Variants in AHNAK2 observed in about 807,000 individuals in gnomAD.
AHNAK2 encodes the protein AHNAK nucleoprotein 2.
Under a neutral mutation model 30.7 loss-of-function variants are expected in AHNAK2, and 18 were observed. The observed-to-expected ratio is 0.59, with a 90% CI of 0.41 to 0.87. AHNAK2 has a LOEUF of 0.87. Among genes scored for constraint, AHNAK2 ranks in the 40% least tolerant of loss-of-function variants. AHNAK2 has a pLI of 0.00. For missense variants in AHNAK2, 8,604 were observed against 7,373.0 expected (o/e 1.17, Z -6.11); for synonymous variants, 3,590 against 3,073.8 (o/e 1.17, Z -5.56).
intron 1 of AHNAK2, among the ~76,000 whole-genome samples, chr14:104,967,913 G>A (rs934099667): frequency 2.0e-5 from 3 of 152,198 alleles, no homozygotes; most frequent in South Asian, 2.1e-4. Context: ...AGGAAGCCCC[G>A]CCTCGGCCGC....
chr14:104,970,355 CTG>C, intron 1 of AHNAK2: 1 of 926,732 alleles, frequency 1.1e-6, no homozygotes, highest in Non-Finnish European at 1.3e-6. Flanking sequence ...TAGCCCAGCT[CTG>C]TTCCTCCAGC....
Position 104,946,858 on chromosome 14 carries a change from G to A in AHNAK2, c.8593C>T (p.Pro2865Ser), listed in dbSNP as rs374832748. The change falls in exon 7 of 7, where the codon CCC becomes TCC. Residue 2865 changes from proline (P) to serine (S), a missense_variant. Transcript: ENST00000333244. ...TGGACCTCCAGTTGGGCGGAGGGGG[G>A]CTGAATGCGGATGTCAGTGGTCTTA... ...DLKTTDIRIQ[P>S]PSAQLEVQAG... The A allele has an allele frequency of 7.1e-5, 114 of 1,612,668 alleles. 3 individuals are homozygous for A. The highest frequency in any genetic ancestry group is 3.4e-4 in the African/African-American group (25 of 74,438).
At chr14:104,960,516 G>A (rs1899106425) in intron 1 of AHNAK2, among the ~76,000 whole-genome samples, 1 of 152,186 alleles carries the variant, frequency 6.6e-6, no homozygotes, top group South Asian at 2.1e-4. Flanking sequence ...GAGCATCCAT[G>A]AATTTTGGTA....
intron 1 of AHNAK2, 24 bp from the exon 2 acceptor site, chr14:104,957,696 G>A: frequency 1.2e-6 from 2 of 1,603,442 alleles, no homozygotes; most frequent in Non-Finnish European, 8.5e-7. Context: ...GGCTGTCAGT[G>A]GAGACAAGCA....
Position 104,937,914 on chromosome 14 carries a change from AG to A in AHNAK2, c.*148del. Reference sequence around the variant, plus strand: ...TAGGAGGGCTGTGTGATGGTGACAAAGGTGTTCTGGTCATTTCTGCTCTGTT... The same window carrying A: ...TAGGAGGGCTGTGTGATGGTGACAAAGTGTTCTGGTCATTTCTGCTCTGTT... On this transcript the variant is annotated 3_prime_UTR_variant, in exon 7 of 7. Transcript: ENST00000333244. 3.8e-6 allele frequency: 3 copies of A among 799,440 alleles called. No homozygotes were observed. The highest frequency in any genetic ancestry group is 5.6e-6 in the Non-Finnish European group (3 of 534,984). The allele number at this position is 799,440 out of a possible 1,614,324, so 49.5% of individuals were successfully genotyped here. A position where few individuals can be genotyped will look rare whatever the true frequency, so the allele number is the denominator to read the frequency against.
rs545419006 is a variant in AHNAK2, at chr14:104,940,290, G to A, written c.15161C>T (p.Ala5054Val). 2 of 1,613,688 alleles carry A rather than the reference G, an allele frequency of 1.2e-6. No individual in the cohort carries two copies. The highest frequency in any genetic ancestry group is 1.3e-5 in the African/African-American group (1 of 75,018). The change falls in exon 7 of 7, where the codon GCA (alanine) becomes GTA (valine). Residue 5054 changes from alanine (A) to valine (V), a missense_variant. Coordinates refer to ENST00000333244, the MANE Select transcript of AHNAK2 (RefSeq NM_138420.4). The surrounding 1 kb of genome is among the most constrained non-coding windows in gnomAD (Gnocchi z 4.4). ...TTCTGTGTCTTGAAAGCTACCCCCT[G>A]CTGTGGCACTAGAAAGGGAAGGATC... The part of the protein sequence containing the change: ...DVDPSLSSAT[A>V]GGSFQDTEKA...
At position 104,947,155 on chromosome 14, in the gene AHNAK2, C is replaced by G; in HGVS notation, c.8296G>C (p.Glu2766Gln). Residue 2766 changes from glutamate (E) to glutamine (Q), a missense_variant, in exon 7 of 7, where the codon GAA becomes CAA. Transcript: ENST00000333244. ...PNVDLKGPKA[E>Q]VTAPDVKMSL... ...ATCTTCACATCGGGGGCTGTCACTT[C>G]CGCCTTGGGGCCTTTCAGGTCCACG... 7 of 1,612,212 alleles carry G rather than the reference C, an allele frequency of 4.3e-6. No homozygotes were observed. Among genetic ancestry groups the G allele is most frequent in the Non-Finnish European group, 5.9e-6 (7 of 1,179,556 alleles).
intron 1 of AHNAK2, among the ~76,000 whole-genome samples, chr14:104,965,401 CAAAA>C (rs397853385): frequency 2.3e-5 from 2 of 85,510 alleles, no homozygotes; most frequent in Non-Finnish European, 4.6e-5. Flanking sequence ...AACTCTGTCT[CAAAA>C]AAAAAAAAAA....
chr14:104,946,718 G>C lies in AHNAK2; in HGVS notation c.8733C>G (p.Leu2911=). 1 of 1,612,570 alleles carries C rather than the reference G, an allele frequency of 6.2e-7. No homozygotes were observed. The highest frequency in any genetic ancestry group is 8.5e-7 in the Non-Finnish European group (1 of 1,179,456). Residue 2911 remains leucine (L), a synonymous_variant, in exon 7 of 7, where the codon CTC becomes CTG. Coordinates refer to ENST00000333244, the MANE Select transcript of AHNAK2 (RefSeq NM_138420.4). ...MPSFKMPKVD[L]KGPQIDVKGP... is the part of the protein sequence containing the mutation. ...CCTTGACGTCTATCTGGGGGCCCTT[G>C]AGATCCACTTTGGGCATCTTGAAAC... is the stretch of plus-strand genomic sequence containing the variant.
In AHNAK2 at chr14:104,947,937, G is replaced by A. The variant is rs752860826; in HGVS notation, c.7514C>T (p.Ser2505Leu). ...VSAPGKSIEA[S>L]VDVSAPKVEA... is the part of the protein sequence containing the mutation. ...CACCTTCGGCGCAGACACATCCACC[G>A]AGGCCTCGATGGACTTGCCTGGGGC... The change falls in exon 7 of 7, where the codon TCG (serine) becomes TTG (leucine). Residue 2505 changes from serine to leucine, a missense_variant. Ser to Leu is a moderately radical substitution (Grantham distance 145). Coordinates refer to ENST00000333244, the MANE Select transcript of AHNAK2 (RefSeq NM_138420.4). The A allele has an allele frequency of 4.9e-5, 79 of 1,611,984 alleles. No individual in the cohort carries two copies. Among genetic ancestry groups the A allele is most frequent in the South Asian group, 3.1e-4 (28 of 91,004 alleles).
chr14:104,964,835 C>T (rs1899254573), intron 1 of AHNAK2, among the ~76,000 whole-genome samples: 1 of 152,190 alleles, frequency 6.6e-6, no homozygotes, highest in African/African-American at 2.4e-5. Context: ...GGTTTGTACC[C>T]TTTCTCCATA....
In AHNAK2 at chr14:104,942,930, C is replaced by T. The variant is rs1480731887; in HGVS notation, c.12521G>A (p.Gly4174Glu). The T allele has an allele frequency of 6.2e-6, 10 of 1,613,104 alleles. No homozygotes were observed. The highest frequency in any genetic ancestry group is 1.3e-5 in the African/African-American group (1 of 74,720). Residue 4174 changes from glycine (G) to glutamate (E), a missense_variant, in exon 7 of 7, where the codon GGG becomes GAG. Transcript: ENST00000333244. ...GCTGAGGTCAGTGGTCTTGAGGTCC[C>T]CCTGCATGGAGGGGAGGCTCACGTC... ...KADVSLPSMQ[G>E]DLKTTDLSIQ...
Position 104,951,673 on chromosome 14 carries a change from C to A in AHNAK2, c.3778G>T (p.Asp1260Tyr), listed in dbSNP as rs759415171. The A allele has an allele frequency of 2.1e-5, 26 of 1,246,596 alleles. 1 individual carries two copies. The East Asian group carries it at 5.4e-4, about 26-fold the overall frequency. 77.2% of individuals were successfully genotyped at this position (1,246,596 alleles called of 1,614,324 possible). A position where few individuals can be genotyped will look rare whatever the true frequency, so the allele number is the denominator to read the frequency against. Residue 1260 changes from aspartate to tyrosine, a missense_variant, in exon 7 of 7, where the codon GAC becomes TAC. Asp to Tyr is a radical substitution (Grantham distance 160). Coordinates refer to ENST00000333244, the MANE Select transcript of AHNAK2 (RefSeq NM_138420.4). The stretch of plus-strand genomic sequence containing the variant: ...ACTTCCACCTGGGGGCCCTTGAGGT[C>A]CACTTTGGGCATCTTCAAACTAGGC... ...QMPSLKMPKVDLKGPQVEVRG... is the reference protein window; with the variant it reads ...QMPSLKMPKVYLKGPQVEVRG...
intron 1 of AHNAK2, among the ~76,000 whole-genome samples, chr14:104,970,827 G>A (rs1899453340): frequency 6.6e-6 from 1 of 152,216 alleles, no homozygotes; most frequent in African/African-American, 2.4e-5. Context: ...TGTGTGGACA[G>A]ACACAGGCCT....
rs944548402 is a variant in AHNAK2, at chr14:104,939,091, G to T, written c.16360C>A (p.Pro5454Thr). The T allele has an allele frequency of 6.2e-7, 1 of 1,604,132 alleles. No individual in the cohort carries two copies. Among genetic ancestry groups the T allele is most frequent in the Non-Finnish European group, 8.5e-7 (1 of 1,175,410 alleles). The change falls in exon 7 of 7, where the codon CCT becomes ACT. Residue 5454 changes from proline (P) to threonine (T), a missense_variant. Coordinates refer to ENST00000333244, the MANE Select transcript of AHNAK2 (RefSeq NM_138420.4). ...TTTGAAATTGGGGGAGCTTCCAAAGGCAGGTTAAGGTCCACAGGCTGCTCC... is the reference window on the plus strand; with the variant it reads ...TTTGAAATTGGGGGAGCTTCCAAAGTCAGGTTAAGGTCCACAGGCTGCTCC... Reference protein sequence around the residue: ...PGEQPVDLNLPLEAPPISKVR... With the variant: ...PGEQPVDLNLTLEAPPISKVR...
Position 104,952,521 on chromosome 14 carries a change from C to G in AHNAK2, c.2930G>C (p.Gly977Ala). Residue 977 changes from glycine (G) to alanine (A), a missense_variant, in exon 7 of 7, where the codon GGT (glycine) becomes GCT (alanine). Physicochemically the swap from Gly to Ala is moderately conservative, Grantham distance 60 (BLOSUM62 0). Coordinates refer to ENST00000333244, the MANE Select transcript of AHNAK2 (RefSeq NM_138420.4). The part of the protein sequence containing the change: ...DVQAQKAKLD[G>A]AWLEGDLSLA... ...GGACAGGTCCCCCTCCAGCCACGCA[C>G]CATCCAGCTTGGCCTTCTGGGCCTG... 1.2e-6 allele frequency: 2 copies of G among 1,612,890 alleles called. No homozygotes were observed. Among genetic ancestry groups the G allele is most frequent in the Non-Finnish European group, 1.7e-6 (2 of 1,179,696 alleles).
chr14:104,978,093 ACTGCGCGCCCCTGGACACGCCC>A lies in AHNAK2; in HGVS notation c.55+68_55+89del, dbSNP rs1181954049. The A allele has an allele frequency of 1.8e-5, 19 of 1,079,920 alleles. No homozygotes were observed. In the East Asian group the frequency reaches 5.8e-4, roughly 33 times the overall value. 66.9% of individuals were successfully genotyped at this position (1,079,920 alleles called of 1,614,324 possible). On this transcript the variant is annotated intron_variant, in intron 1 of 6. Transcript: ENST00000333244. The stretch of plus-strand genomic sequence containing the variant: ...CGAGTCCCCCGCCCCCAAGGCCCGC[ACTGCGCGCCCCTGGACACGCCC>A]CGGCGCGCGCCCTCGCGCGTAGCCC...
chr14:104,945,937 TTG>T lies in AHNAK2; in HGVS notation c.9512_9513del (p.Pro3171GlnfsTer19), dbSNP rs1423110918. ...SIEVLVDVSA[P>X]KVEADLSLPS... ...GGGAGGCTCAGGTCGGCCTCCACCTTTGGCGCAGACACATCCACCAAGACCTC... is the reference window on the plus strand; with the variant it reads ...GGGAGGCTCAGGTCGGCCTCCACCTTGCGCAGACACATCCACCAAGACCTC... On this transcript the variant is annotated frameshift_variant, in exon 7 of 7. Coordinates refer to ENST00000333244, the MANE Select transcript of AHNAK2 (RefSeq NM_138420.4). LOFTEE classifies it low-confidence loss of function (END_TRUNC). The T allele has an allele frequency of 1.6e-6, 2 of 1,248,428 alleles. 1 individual carries two copies. The highest frequency in any genetic ancestry group is 2.3e-6 in the Non-Finnish European group (2 of 881,922). 77.3% of individuals were successfully genotyped at this position (1,248,428 alleles called of 1,614,324 possible).
chr14:104,970,558 C>A (rs1899446429), intron 1 of AHNAK2: 2 of 979,238 alleles, frequency 2.0e-6, no homozygotes, highest in Non-Finnish European at 2.4e-6. Flanking sequence ...CTCCTCCCCC[C>A]ATTGTCCCGC....
Sources: allele counts gnomAD v4.1 joint callset (sites outside exome capture counted in the v4.1 genomes callset), GRCh38; gene constraint gnomAD v4.1.1; non-coding constraint Gnocchi (gnomAD v3.1); transcripts MANE v1.5; gene names NCBI Gene and HGNC (gene_info 2026-07-23, HGNC 2026-07-21).